The following R3HCC1L variants were observed in gnomAD, a reference collection of about 807,000 sequenced individuals.
R3HCC1L encodes coiled-coil domain-containing protein R3HCC1L.
R3HCC1L carries 51 observed loss-of-function variants against 59.9 expected under a neutral mutation model. The ratio of observed to expected loss-of-function variants is 0.85; its 90% CI spans 0.68 to 1.07. R3HCC1L has a LOEUF of 1.07. Ranked by LOEUF, R3HCC1L falls within the 50% of genes least tolerant of loss-of-function variation. The pLI is 0.00. For missense variants in R3HCC1L, 965 were observed against 933.0 expected, an observed-to-expected ratio of 1.03 and a Z score of -0.45; for synonymous variants, 322 against 315.2, an observed-to-expected ratio of 1.02 and a Z score of -0.23.
chr10:98,176,718 G>GC (rs1185466807), intron 4 of R3HCC1L, among the ~76,000 whole-genome samples: 1 of 151,968 alleles, frequency 6.6e-6, no homozygotes, highest in African/African-American at 2.4e-5. Context: ...TGCTGCACTG[G>GC]CTAAAACCTC....
At chr10:98,146,150 T>G (rs1370436932) in intron 1 of R3HCC1L, among the ~76,000 whole-genome samples, 2 of 140,158 alleles carry the variant, frequency 1.4e-5, no homozygotes, top group East Asian at 4.0e-4. Flanking sequence ...TTGGGGACAT[T>G]AAAAAGTCTT....
At chr10:98,152,088 G>C (rs1846227570) in intron 1 of R3HCC1L, among the ~76,000 whole-genome samples, 2 of 152,300 alleles carry the variant, frequency 1.3e-5, no homozygotes, top group South Asian at 4.1e-4. Context: ...GAGTGCCTGC[G>C]ATTGCAGGCG....
intron 7 of R3HCC1L, among the ~76,000 whole-genome samples, chr10:98,235,127 C>G (rs2135688515): frequency 6.6e-6 from 1 of 152,228 alleles, no homozygotes; most frequent in African/African-American, 2.4e-5. Context: ...GCTGTTGGAG[C>G]AAGAAAGCAG....
At chr10:98,167,437 T>G (rs1343426073) in intron 4 of R3HCC1L, among the ~76,000 whole-genome samples, 1 of 152,244 alleles carries the variant, frequency 6.6e-6, no homozygotes, top group South Asian at 2.1e-4. Context: ...TACGGAGCTG[T>G]AGCTATTTCT....
chr10:98,143,768 C>T (rs1187606773), intron 1 of R3HCC1L, among the ~76,000 whole-genome samples: 1 of 152,186 alleles, frequency 6.6e-6, no homozygotes, highest in East Asian at 1.9e-4. Flanking sequence ...CAGTATATGA[C>T]CGTACATTAT....
At chr10:98,232,996 TCTGCCATAAA>T (rs1856554644) in intron 6 of R3HCC1L, among the ~76,000 whole-genome samples, 1 of 152,298 alleles carries the variant, frequency 6.6e-6, no homozygotes, top group African/African-American at 2.4e-5. Flanking sequence ...ACAGTTAATC[TCTGCCATAAA>T]CTTTAAATGT....
intron 5 of R3HCC1L, among the ~76,000 whole-genome samples, chr10:98,219,948 G>C (rs543571421): frequency 1.3e-5 from 2 of 152,226 alleles, no homozygotes; most frequent in Non-Finnish European, 2.9e-5. Flanking sequence ...GACATTTTCA[G>C]CTGTTACTTC....
Position 98,209,201 on chromosome 10 carries a change from A to G in R3HCC1L, c.1087A>G (p.Ser363Gly). 1 of 1,613,906 alleles carries G rather than the reference A, an allele frequency of 6.2e-7. No individual in the cohort carries two copies. The highest frequency in any genetic ancestry group is 8.5e-7 in the Non-Finnish European group (1 of 1,180,006). The change falls in exon 5 of 10, where the codon AGT (serine) becomes GGT (glycine). Residue 363 changes from serine to glycine, a missense_variant. Coordinates refer to ENST00000298999, the MANE Select transcript of R3HCC1L (RefSeq NM_001351015.2). ...CCTTGCTCATGAAACACATAGAGAT[A>G]GTGGATTTAAGAATGTAGGTGACAT... ...AVLAHETHRD[S>G]GFKNVGDITN...
chr10:98,235,948 A>G lies in R3HCC1L; in HGVS notation c.2129-76A>G, dbSNP rs186563285. 2.0e-3 allele frequency: 2,887 copies of G among 1,453,836 alleles called. 4 individuals carry two copies. The highest frequency in any genetic ancestry group is 2.2e-3 in the Non-Finnish European group (2,374 of 1,057,888). 90.1% of individuals were successfully genotyped at this position (1,453,836 alleles called of 1,614,324 possible). On this transcript the variant is annotated intron_variant, in intron 8 of 9. Coordinates refer to ENST00000298999, the MANE Select transcript of R3HCC1L (RefSeq NM_001351015.2). Reference sequence around the variant, plus strand: ...TGTTAGTCTATTTTGTATGTTAATTACTGAGTTAAATCACTTGAAGCTAGA... The same window carrying G: ...TGTTAGTCTATTTTGTATGTTAATTGCTGAGTTAAATCACTTGAAGCTAGA...
At chr10:98,237,512 G>A (rs1857089549) in intron 9 of R3HCC1L, among the ~76,000 whole-genome samples, 1 of 152,142 alleles carries the variant, frequency 6.6e-6, no homozygotes. Context: ...TTCTCTAGGT[G>A]CATCAGCATG....
intron 1 of R3HCC1L, among the ~76,000 whole-genome samples, chr10:98,148,797 C>T (rs1046261922): frequency 1.2e-4 from 18 of 152,066 alleles, no homozygotes; most frequent in African/African-American, 4.3e-4. Context: ...AGTATTTTTA[C>T]GTCTATGTTC....
intron 5 of R3HCC1L, among the ~76,000 whole-genome samples, chr10:98,212,091 G>A (rs9419846): frequency 0.32 from 48,636 of 151,894 alleles, 7,969 homozygotes; most frequent in East Asian, 0.48. Flanking sequence ...ATAACTGAGA[G>A]CAGGAAGGAG....
At chr10:98,153,420 G>T (rs188861681) in intron 1 of R3HCC1L, among the ~76,000 whole-genome samples, 1 of 152,080 alleles carries the variant, frequency 6.6e-6, no homozygotes, top group Admixed American at 6.5e-5. Flanking sequence ...CAGCAGACTC[G>T]TTAAAGAGTC....
intron 4 of R3HCC1L, among the ~76,000 whole-genome samples, chr10:98,199,802 A>C (rs1851843004): frequency 6.6e-6 from 1 of 152,074 alleles, no homozygotes; most frequent in South Asian, 2.1e-4. Flanking sequence ...ATTTTTCTAT[A>C]TGTTTAACAA....
intron 7 of R3HCC1L, among the ~76,000 whole-genome samples, chr10:98,234,972 C>G (rs1303058764): frequency 1.3e-5 from 2 of 152,056 alleles, no homozygotes; most frequent in Non-Finnish European, 2.9e-5. Context: ...CAGAGGCATT[C>G]AAAGAAAATA....
At chr10:98,146,441 TAATC>T in intron 1 of R3HCC1L, among the ~76,000 whole-genome samples, 1 of 152,300 alleles carries the variant, frequency 6.6e-6, no homozygotes, top group Non-Finnish European at 1.5e-5. Flanking sequence ...TTGTACCCAT[TAATC>T]AACCTCTTTT....
intron 1 of R3HCC1L, among the ~76,000 whole-genome samples, chr10:98,138,966 A>C (rs1443252777): frequency 6.6e-6 from 1 of 152,132 alleles, no homozygotes; most frequent in Non-Finnish European, 1.5e-5. Flanking sequence ...TACTATTTTT[A>C]ATTTTTATTT....
At chr10:98,154,210 AAG>A (rs1157065388) in intron 1 of R3HCC1L, among the ~76,000 whole-genome samples, 3 of 150,948 alleles carry the variant, frequency 2.0e-5, no homozygotes, top group East Asian at 1.9e-4. Flanking sequence ...AAAAGGAAGA[AAG>A]AGCATAGTGA....
At chr10:98,200,697 G>C (rs575959476) in intron 4 of R3HCC1L, among the ~76,000 whole-genome samples, 1 of 152,070 alleles carries the variant, frequency 6.6e-6, no homozygotes, top group Admixed American at 6.6e-5. Flanking sequence ...ACAAAAAAGG[G>C]GACATATAGC....
Sources: allele counts gnomAD v4.1 joint callset (sites outside exome capture counted in the v4.1 genomes callset), GRCh38; gene constraint gnomAD v4.1.1; transcripts MANE v1.5; gene names NCBI Gene and HGNC (gene_info 2026-07-23, HGNC 2026-07-21).